The following LARGE1 variants were observed in gnomAD, a reference collection of about 807,000 sequenced individuals.
The protein encoded by LARGE1 is xylosyl- and glucuronyltransferase LARGE1.
In LARGE1, 43 loss-of-function variants were observed where a neutral mutation model predicts 87.6. The observed-to-expected ratio is 0.49, with a 90% CI of 0.38 to 0.63. The LOEUF (loss-of-function observed/expected upper bound fraction) is 0.63. Among genes scored for constraint, LARGE1 ranks in the 30% least tolerant of loss-of-function variants. The probability of loss-of-function intolerance (pLI) is 0.00; values close to 1 mark genes in which losing one functional copy is unlikely to be tolerated. For synonymous variants in LARGE1, 434 were observed against 394.6 expected (o/e 1.10, Z -1.18); for missense variants, 802 against 1,000.2 (o/e 0.80, Z 2.67).
intron 1 of LARGE1, among the ~76,000 whole-genome samples, chr22:33,860,764 A>C (rs1003459641): frequency 6.6e-6 from 1 of 152,182 alleles, no homozygotes; most frequent in Non-Finnish European, 1.5e-5. Flanking sequence ...GCAAACTACC[A>C]GGCCACTACC....
At chr22:33,799,502 G>A (rs1409246244) in intron 1 of LARGE1, among the ~76,000 whole-genome samples, 1 of 151,996 alleles carries the variant, frequency 6.6e-6, no homozygotes, top group Non-Finnish European at 1.5e-5. Context: ...GGGCAGTGGT[G>A]CAATCTTGGC....
intron 5 of LARGE1, among the ~76,000 whole-genome samples, chr22:33,585,956 C>T (rs900809998): frequency 3.3e-5 from 5 of 152,364 alleles, no homozygotes; most frequent in Non-Finnish European, 7.3e-5. Flanking sequence ...GCCTCGGCCT[C>T]CCGAAGTGCT....
chr22:33,118,504 GAAAAA>G, the LARGE1 span, among the ~76,000 whole-genome samples: 1 of 80,456 alleles, frequency 1.2e-5, no homozygotes, highest in African/African-American at 4.0e-5. Context: ...AAAGAAAAAA[GAAAAA>G]AAAAAAAAAA....
At chr22:33,253,963 A>G (rs1307330189) in intron 11 of LARGE1, among the ~76,000 whole-genome samples, 1 of 151,528 alleles carries the variant, frequency 6.6e-6, no homozygotes, top group Non-Finnish European at 1.5e-5. Context: ...CACCTATGTA[A>G]AAGACTGCAC....
At chr22:33,715,468 C>T (rs1487163126) in intron 2 of LARGE1, among the ~76,000 whole-genome samples, 2 of 152,134 alleles carry the variant, frequency 1.3e-5, no homozygotes, top group Non-Finnish European at 2.9e-5. Flanking sequence ...TAGCTGGCTG[C>T]ACTCTCATCC....
At chr22:33,351,082 G>A (rs1940328695) in intron 9 of LARGE1, among the ~76,000 whole-genome samples, 1 of 152,222 alleles carries the variant, frequency 6.6e-6, no homozygotes, top group Non-Finnish European at 1.5e-5. Context: ...TGTGATAGCT[G>A]TATTCTGCAC....
intron 10 of LARGE1, among the ~76,000 whole-genome samples, chr22:33,332,368 G>A (rs1015624258): frequency 3.9e-5 from 6 of 152,046 alleles, no homozygotes; most frequent in South Asian, 2.1e-4. Context: ...TTGCTCTTCC[G>A]CCATGATTGT....
At chr22:33,376,384 A>T (rs1340679266) in intron 9 of LARGE1, among the ~76,000 whole-genome samples, 3 of 152,184 alleles carry the variant, frequency 2.0e-5, no homozygotes, top group Non-Finnish European at 4.4e-5. Context: ...CACAAATGGG[A>T]ATTTCTCTGT....
intron 9 of LARGE1, among the ~76,000 whole-genome samples, chr22:33,348,955 G>A (rs1399853402): frequency 2.0e-5 from 3 of 152,090 alleles, no homozygotes; most frequent in Non-Finnish European, 4.4e-5. Context: ...TTTATAAAGA[G>A]CAGTTTCCCT....
chr22:33,228,584 T>A (rs1490673067), intron 11 of LARGE1, among the ~76,000 whole-genome samples: 1 of 152,224 alleles, frequency 6.6e-6, no homozygotes, highest in East Asian at 1.9e-4. Context: ...CCATAAATAT[T>A]GGTCAAAGTC....
rs187829709 is a variant in LARGE1 at position 33,739,797 on chromosome 22, G to A, written c.106+21574C>T. On this transcript the variant is annotated intron_variant, in intron 2 of 14. Transcript: ENST00000397394. ...ATCTCCTCCCTGATGAGATGAGGCA[G>A]TTTAATCGCTGCTATTAATACAGAA... 3.9e-5 allele frequency among the ~76,000 whole-genome samples: 6 copies of A among 152,326 alleles called. No homozygotes were observed. The East Asian group carries it at 1.2e-3, about 29-fold the overall frequency.
chr22:33,366,500 G>T (rs1349194307), intron 9 of LARGE1, among the ~76,000 whole-genome samples: 1 of 152,178 alleles, frequency 6.6e-6, no homozygotes, highest in Non-Finnish European at 1.5e-5. Context: ...ATTTTTCAAT[G>T]CTAAATCACT....
At chr22:33,447,899 T>C (rs1177273386) in intron 6 of LARGE1, among the ~76,000 whole-genome samples, 1 of 151,990 alleles carries the variant, frequency 6.6e-6, no homozygotes, top group African/African-American at 2.4e-5. Flanking sequence ...CATTCAGCCA[T>C]AAAAAGGAGC....
At chr22:33,067,181 T>C in the LARGE1 span, among the ~76,000 whole-genome samples, 5 of 152,106 alleles carry the variant, frequency 3.3e-5, 1 homozygote, top group Admixed American at 3.3e-4. Flanking sequence ...ACCATCTCCA[T>C]CTGGACTTCA....
chr22:33,316,959 A>G (rs1936230008), intron 10 of LARGE1, among the ~76,000 whole-genome samples: 1 of 152,166 alleles, frequency 6.6e-6, no homozygotes, highest in Non-Finnish European at 1.5e-5. Flanking sequence ...CATGCCTGTA[A>G]TCCCGGCACT....
intron 3 of LARGE1, among the ~76,000 whole-genome samples, chr22:33,638,041 T>A (rs1025802035): frequency 2.6e-5 from 4 of 152,182 alleles, no homozygotes; most frequent in Non-Finnish European, 5.9e-5. Flanking sequence ...AGGACATTTT[T>A]ATTTTTGTGG....
chr22:33,682,213 T>G (rs1364568542), intron 2 of LARGE1, among the ~76,000 whole-genome samples: 4 of 152,242 alleles, frequency 2.6e-5, no homozygotes, highest in Non-Finnish European at 5.9e-5. Flanking sequence ...CTCCAGTTCA[T>G]GCAGGCTCTC....
chr22:33,892,324 T>C (rs942364542), intron 1 of LARGE1, among the ~76,000 whole-genome samples: 1 of 151,844 alleles, frequency 6.6e-6, no homozygotes, highest in African/African-American at 2.4e-5. Flanking sequence ...CCTCTCCTAC[T>C]CTTCTTCTGA....
intron 9 of LARGE1, among the ~76,000 whole-genome samples, chr22:33,371,795 T>C (rs1289976141): frequency 6.6e-6 from 1 of 152,030 alleles, no homozygotes; most frequent in Non-Finnish European, 1.5e-5. Context: ...CCATCCTGGC[T>C]AACACGGTGA....
Sources: gnomAD v4.1 joint callset for allele counts (sites outside exome capture counted in the v4.1 genomes callset) on GRCh38, gnomAD v4.1.1 for gene constraint, MANE v1.5 for transcripts, NCBI Gene and HGNC (gene_info 2026-07-23, HGNC 2026-07-21) for gene names.